KCNK13: variants seen among roughly 807,000 people sequenced by gnomAD.
KCNK13 encodes the protein potassium channel subfamily K member 13.
A neutral mutation model predicts 23.4 loss-of-function variants in KCNK13; 12 were observed. The observed-to-expected ratio is 0.51, with a 90% CI of 0.33 to 0.83. The LOEUF (loss-of-function observed/expected upper bound fraction) is 0.83. KCNK13 is among the 40% of genes least tolerant of loss of function. The pLI, the probability that KCNK13 is intolerant of heterozygous loss-of-function variation, is 0.02. For missense variants in KCNK13, 463 were observed against 556.3 expected (o/e 0.83, Z 1.69); for synonymous variants, 231 against 229.5 (o/e 1.01, Z -0.06).
chr14:90,150,497 C>G (rs1890123368), intron 1 of KCNK13, among the ~76,000 whole-genome samples: 1 of 152,162 alleles, frequency 6.6e-6, no homozygotes, highest in South Asian at 2.1e-4. Context: ...CTCAATCTGT[C>G]TCTCAAAGGT....
chr14:90,153,815 C>T (rs1890163251), intron 1 of KCNK13, among the ~76,000 whole-genome samples: 1 of 152,208 alleles, frequency 6.6e-6, no homozygotes, highest in Admixed American at 6.5e-5. Flanking sequence ...TCAGGCATGG[C>T]AGCCACAGCT....
intron 1 of KCNK13, among the ~76,000 whole-genome samples, chr14:90,127,788 C>CA (rs1292061926): frequency 7.5e-6 from 1 of 133,704 alleles, no homozygotes; most frequent in African/African-American, 2.8e-5. Flanking sequence ...CACTGCAGTC[C>CA]AGCCTGGTAG....
chr14:90,066,948 A>G (rs1315625066), intron 1 of KCNK13, among the ~76,000 whole-genome samples: 1 of 151,298 alleles, frequency 6.6e-6, no homozygotes, highest in Non-Finnish European at 1.5e-5. Flanking sequence ...TGGGCTACAT[A>G]CAATGGAATA....
chr14:90,067,735 A>G (rs1220488332), intron 1 of KCNK13, among the ~76,000 whole-genome samples: 2 of 152,202 alleles, frequency 1.3e-5, no homozygotes, highest in African/African-American at 4.8e-5. Context: ...AAGTACTCAG[A>G]AAAGTAGAAT....
At chr14:90,092,877 A>G (rs1238535103) in intron 1 of KCNK13, among the ~76,000 whole-genome samples, 1 of 137,310 alleles carries the variant, frequency 7.3e-6, no homozygotes, top group Non-Finnish European at 1.5e-5. Flanking sequence ...ATGCCACTGC[A>G]CTCTAGCCTG....
intron 1 of KCNK13, among the ~76,000 whole-genome samples, chr14:90,174,614 T>C (rs1890402680): frequency 6.6e-6 from 1 of 152,204 alleles, no homozygotes; most frequent in South Asian, 2.1e-4. Flanking sequence ...CAGTTTGGGA[T>C]GCCAAGGCTG....
At position 90,161,362 on chromosome 14, in the gene KCNK13, A is replaced by T. The variant is rs141519344; in HGVS notation, c.335-22749A>T. Among the ~76,000 whole-genome samples, 838 of 152,320 alleles carry T rather than the reference A, an allele frequency of 5.5e-3. 7 individuals are homozygous for T. Among genetic ancestry groups the T allele is most frequent in the African/African-American group, 0.019 (806 of 41,570 alleles). On this transcript the variant is annotated intron_variant, in intron 1 of 1. Transcript: ENST00000282146. ...CTGGGATAATGAAAAAGTTCTGGAG[A>T]TGGCTAGTGGTGATTGTACACATCA... is the stretch of plus-strand genomic sequence containing the variant.
At chr14:90,066,152 T>TA (rs1555400961) in intron 1 of KCNK13, among the ~76,000 whole-genome samples, 2 of 150,292 alleles carry the variant, frequency 1.3e-5, no homozygotes, top group African/African-American at 4.9e-5. Context: ...TTTTTTTTTT[T>TA]TTTAGTGGAG....
At chr14:90,104,161 A>G (rs1889515418) in intron 1 of KCNK13, among the ~76,000 whole-genome samples, 2 of 151,848 alleles carry the variant, frequency 1.3e-5, no homozygotes, top group East Asian at 1.9e-4. Flanking sequence ...TTTGACATGA[A>G]TTTTTCTCTT....
intron 1 of KCNK13, among the ~76,000 whole-genome samples, chr14:90,154,010 C>T (rs1367803729): frequency 1.3e-5 from 2 of 152,150 alleles, no homozygotes; most frequent in Non-Finnish European, 2.9e-5. Flanking sequence ...GACTCAGCCT[C>T]TTATCTGGTC....
In KCNK13 at chr14:90,101,790, C is replaced by CGAAAAAAAAAAAAAA. The variant is rs1555402342; in HGVS notation, c.334+39251_334+39252insGAAAAAAAAAAAAAA. On this transcript the variant is annotated intron_variant, in intron 1 of 1. Coordinates refer to ENST00000282146, the MANE Select transcript of KCNK13 (RefSeq NM_022054.4). The stretch of plus-strand genomic sequence containing the variant: ...GGGCAACAGAGTGAGACTCCGTCTC[C>CGAAAAAAAAAAAAAA]AAAAAAAAAAAAAAAAAAAAAACCT... Among the ~76,000 whole-genome samples, 10 of 55,584 alleles carry CGAAAAAAAAAAAAAA rather than the reference C, an allele frequency of 1.8e-4. No individual in the cohort carries two copies. The East Asian group carries it at 4.5e-3, about 25-fold the overall frequency. The allele number at this position is 55,584 out of a possible 152,430, so 36.5% of individuals were successfully genotyped here. A position where few individuals can be genotyped will look rare whatever the true frequency, so the allele number is the denominator to read the frequency against.
At chr14:90,150,311 C>G (rs540591569) in intron 1 of KCNK13, among the ~76,000 whole-genome samples, 48 of 152,050 alleles carry the variant, frequency 3.2e-4, no homozygotes, top group Non-Finnish European at 6.5e-4. Context: ...CTACTATGCT[C>G]TCCTGTTAAA....
chr14:90,171,556 T>C (rs1890365248), intron 1 of KCNK13, among the ~76,000 whole-genome samples: 1 of 152,212 alleles, frequency 6.6e-6, no homozygotes, highest in Non-Finnish European at 1.5e-5. Flanking sequence ...GGCATGTGCC[T>C]AAGGTGGCTG....
chr14:90,165,306 G>T (rs949182597), intron 1 of KCNK13, among the ~76,000 whole-genome samples: 3 of 152,094 alleles, frequency 2.0e-5, no homozygotes, highest in Non-Finnish European at 2.9e-5. Context: ...ATCAGGGTGG[G>T]GCTGGGACCC....
intron 1 of KCNK13, among the ~76,000 whole-genome samples, chr14:90,121,966 C>T (rs1010279249): frequency 6.6e-6 from 1 of 151,988 alleles, no homozygotes; most frequent in Admixed American, 6.6e-5. Context: ...GTGATCTGCC[C>T]GCCTCTGCCT....
intron 1 of KCNK13, among the ~76,000 whole-genome samples, chr14:90,066,167 G>A (rs1167209529): frequency 1.3e-5 from 2 of 149,508 alleles, no homozygotes; most frequent in Non-Finnish European, 3.0e-5. Flanking sequence ...GTGGAGATGG[G>A]GTTTTGACAT....
At chr14:90,135,526 A>G (rs1394158807) in intron 1 of KCNK13, among the ~76,000 whole-genome samples, 1 of 152,152 alleles carries the variant, frequency 6.6e-6, no homozygotes, top group Non-Finnish European at 1.5e-5. Context: ...GGGTCTCGAG[A>G]GGACCTTTTC....
intron 1 of KCNK13, among the ~76,000 whole-genome samples, chr14:90,152,042 T>C (rs556150406): frequency 5.4e-4 from 82 of 152,322 alleles, no homozygotes; most frequent in African/African-American, 1.9e-3. Flanking sequence ...GGTTTGGCTT[T>C]GTCTCCACCC....
At chr14:90,098,597 G>A (rs1220931005) in intron 1 of KCNK13, among the ~76,000 whole-genome samples, 2 of 151,376 alleles carry the variant, frequency 1.3e-5, no homozygotes, top group East Asian at 3.9e-4. Context: ...AGGTTGCAGT[G>A]AGGCGAGATC....
Sources: gnomAD v4.1 joint callset for allele counts (sites outside exome capture counted in the v4.1 genomes callset) on GRCh38, gnomAD v4.1.1 for gene constraint, MANE v1.5 for transcripts, NCBI Gene and HGNC (gene_info 2026-07-23, HGNC 2026-07-21) for gene names.